The following CMTR1 variants were observed in gnomAD, a reference collection of about 807,000 sequenced individuals.
CMTR1 encodes the protein cap-specific mRNA (nucleoside-2'-O-)-methyltransferase 1.
CMTR1 carries 39 observed loss-of-function variants against 107.0 expected under a neutral mutation model. The ratio of observed to expected loss-of-function variants is 0.36; its 90% confidence interval spans 0.28 to 0.48. The LOEUF (loss-of-function observed/expected upper bound fraction) is 0.48. CMTR1 is among the 20% of genes least tolerant of loss of function. CMTR1 has a pLI of 0.99. For synonymous variants in CMTR1, 366 were observed against 379.5 expected (o/e 0.96, Z 0.41); for missense variants, 672 against 1,064.9 (o/e 0.63, Z 5.14).
chr6:37,466,342 G>C (rs1761511979), intron 13 of CMTR1, among the ~76,000 whole-genome samples: 1 of 151,756 alleles, frequency 6.6e-6, no homozygotes, highest in Non-Finnish European at 1.5e-5. Flanking sequence ...CGATCTCTTG[G>C]CCAGGATGGT....
chr6:37,459,179 A>G (rs1413606727), intron 9 of CMTR1, among the ~76,000 whole-genome samples: 2 of 152,280 alleles, frequency 1.3e-5, no homozygotes, highest in African/African-American at 4.8e-5. Context: ...CAGGTGCAGA[A>G]TGCACTGGGT....
At chr6:37,475,440 GGT>G in intron 19 of CMTR1, 28 bp downstream of exon 19, 1 of 1,535,520 alleles carries the variant, frequency 6.5e-7, no homozygotes, top group Non-Finnish European at 9.0e-7. Flanking sequence ...GGGTAGGGAG[GGT>G]GGGGGTAGGC....
intron 13 of CMTR1, among the ~76,000 whole-genome samples, chr6:37,467,835 A>G (rs1183115338): frequency 4.6e-5 from 7 of 151,954 alleles, no homozygotes; most frequent in African/African-American, 1.7e-4. Flanking sequence ...CTTTGTCTTT[A>G]TGATTAAATA....
intron 20 of CMTR1, among the ~76,000 whole-genome samples, chr6:37,477,024 G>T (rs1011443204): frequency 6.6e-6 from 1 of 152,170 alleles, no homozygotes; most frequent in African/African-American, 2.4e-5. Context: ...TTGGTTGCTC[G>T]ATTTCTGGGA....
rs1469561792 is a variant in CMTR1, at chr6:37,444,012, C to A, written c.147C>A (p.Ser49Arg). 1 of 1,613,902 alleles carries A rather than the reference C, an allele frequency of 6.2e-7. No homozygotes were observed. The highest frequency in any genetic ancestry group is 8.5e-7 in the Non-Finnish European group (1 of 1,179,998). ...TTTCTTTTTCAGCATCTACTACAAG[C>A]CTTAGTGGGTCTGATAGTGAGACCG... The part of the protein sequence containing the change: ...VSHGAKASTT[S>R]LSGSDSETEG... Residue 49 changes from serine to arginine, a missense_variant, in exon 3 of 24, where the codon AGC (serine) becomes AGA (arginine). By Grantham distance (110) the Ser-to-Arg change is moderately radical. Coordinates refer to ENST00000373451, the MANE Select transcript of CMTR1 (RefSeq NM_015050.3).
chr6:37,459,272 C>T (rs1761355908), intron 9 of CMTR1, among the ~76,000 whole-genome samples: 3 of 152,360 alleles, frequency 2.0e-5, no homozygotes, highest in African/African-American at 7.2e-5. Context: ...CCTTTCTGAA[C>T]AGTCCTTATT....
At chr6:37,447,180 T>G (rs974998668) in intron 4 of CMTR1, among the ~76,000 whole-genome samples, 1 of 152,376 alleles carries the variant, frequency 6.6e-6, no homozygotes, top group African/African-American at 2.4e-5. Flanking sequence ...TCTAGCTTTC[T>G]GCATAGTTGC....
In CMTR1 at chr6:37,481,248, T is replaced by G. The variant is rs544528372; in HGVS notation, c.*1103T>G. On this transcript the variant is annotated 3_prime_UTR_variant, in exon 24 of 24. Coordinates refer to ENST00000373451, the MANE Select transcript of CMTR1 (RefSeq NM_015050.3). Reference sequence around the variant, plus strand: ...GGGGGTGGGCACCTGTGGTTGTTTTTAATGGGAAATACCTCTCAGAGATGT... The same window carrying G: ...GGGGGTGGGCACCTGTGGTTGTTTTGAATGGGAAATACCTCTCAGAGATGT... 7.8e-6 allele frequency: 10 copies of G among 1,289,666 alleles called. No individual in the cohort carries two copies. In the African/African-American group the frequency reaches 1.2e-4, roughly 16 times the overall value. The allele number at this position is 1,289,666 out of a possible 1,614,324, so 79.9% of individuals were successfully genotyped here.
rs530175567 is a variant in CMTR1 at position 37,470,446 on chromosome 6, G to A, written c.1506-575G>A. ...CAGGTGTGAGCCACCGCGCCTGGCC[G>A]TCATTCACCCTTTCCAGTAGATCTT... On this transcript the variant is annotated intron_variant, in intron 13 of 23. Coordinates refer to ENST00000373451, the MANE Select transcript of CMTR1 (RefSeq NM_015050.3). 2.0e-5 allele frequency among the ~76,000 whole-genome samples: 3 copies of A among 152,170 alleles called. No homozygotes were observed. In the South Asian group the frequency reaches 6.2e-4, roughly 32 times the overall value.
chr6:37,479,053 G>T, intron 22 of CMTR1, 94 bp from the exon 23 acceptor site: 1 of 833,482 alleles, frequency 1.2e-6, no homozygotes, highest in East Asian at 2.5e-5. Flanking sequence ...TGGGAGGCAG[G>T]AATAGGACCA....
At position 37,458,006 on chromosome 6, in the gene CMTR1, G is replaced by A. The variant is rs1761331636; in HGVS notation, c.778-606G>A. Among the ~76,000 whole-genome samples the A allele has an allele frequency of 6.6e-6, 1 of 152,112 alleles. No individual in the cohort carries two copies. The highest frequency in any genetic ancestry group is 2.1e-4 in the South Asian group (1 of 4,822). ...GGACTCTTGAAAGGCAGGATATGGT[G>A]AGGAAAACACTCTGAGAGATAAAAA... On this transcript the variant is annotated intron_variant, in intron 8 of 23. Transcript: ENST00000373451. The surrounding 1 kb of genome is among the most constrained non-coding windows in gnomAD (Gnocchi z 4.7).
intron 2 of CMTR1, among the ~76,000 whole-genome samples, chr6:37,438,337 G>A (rs1771586747): frequency 6.6e-6 from 1 of 151,968 alleles, no homozygotes; most frequent in Non-Finnish European, 1.5e-5. Flanking sequence ...CCAAGATTAT[G>A]CCACTGCACT....
intron 12 of CMTR1, 124 bp from the exon 13 acceptor site, chr6:37,462,705 G>A: frequency 1.2e-6 from 1 of 825,448 alleles, no homozygotes; most frequent in East Asian, 2.5e-5. Flanking sequence ...GTTGTTCTTT[G>A]TGCGTAGGCC....
At chr6:37,460,776 C>T (rs1278120296) in intron 10 of CMTR1, among the ~76,000 whole-genome samples, 1 of 152,122 alleles carries the variant, frequency 6.6e-6, no homozygotes, top group East Asian at 1.9e-4. Context: ...TAAGTCTATT[C>T]ACACTGTTGT....
chr6:37,479,475 G>A (rs1581757866), intron 23 of CMTR1, among the ~76,000 whole-genome samples: 2 of 152,352 alleles, frequency 1.3e-5, no homozygotes, highest in African/African-American at 4.8e-5. Flanking sequence ...GCCTGGACCT[G>A]CTAATGGTTA....
chr6:37,424,023 C>A, the CMTR1 span, among the ~76,000 whole-genome samples: 1 of 152,116 alleles, frequency 6.6e-6, no homozygotes, highest in South Asian at 2.1e-4. Context: ...GAAGACGACC[C>A]ACCATTTTGA....
rs547912294 is a variant in CMTR1, at chr6:37,458,257, C to T, written c.778-355C>T. On this transcript the variant is annotated intron_variant, in intron 8 of 23. Transcript: ENST00000373451. The surrounding 1 kb of genome is among the most constrained non-coding windows in gnomAD (Gnocchi z 4.7). ...TTTTAGTAGAGACAGGGTTTTACCA[C>T]GTTGGCCAGGCTGGTCTCAAACCCC... Among the ~76,000 whole-genome samples, 22 of 152,030 alleles carry T rather than the reference C, an allele frequency of 1.4e-4. No homozygotes were observed. The highest frequency in any genetic ancestry group is 4.8e-4 in the African/African-American group (20 of 41,490).
Position 37,480,639 on chromosome 6 carries a change from C to T in CMTR1, c.*494C>T. The T allele has an allele frequency of 9.8e-7, 1 of 1,021,372 alleles. No individual in the cohort carries two copies. Among genetic ancestry groups the T allele is most frequent in the South Asian group, 3.9e-5 (1 of 25,682 alleles). 63.3% of individuals were successfully genotyped at this position (1,021,372 alleles called of 1,614,324 possible). The stretch of plus-strand genomic sequence containing the variant: ...CCAGGAGAACCTGCTATAAAAAAAT[C>T]AAGGTTTTGTTTCTTTGAACTTACT... On this transcript the variant is annotated 3_prime_UTR_variant, in exon 24 of 24. Transcript: ENST00000373451.
chr6:37,447,471 C>T (rs1475677233), intron 4 of CMTR1, among the ~76,000 whole-genome samples: 1 of 152,210 alleles, frequency 6.6e-6, no homozygotes, highest in Non-Finnish European at 1.5e-5. Flanking sequence ...TCAGAAGTAC[C>T]TGATGGTTTC....
Sources: allele counts gnomAD v4.1 joint callset (sites outside exome capture counted in the v4.1 genomes callset), GRCh38; gene constraint gnomAD v4.1.1; non-coding constraint Gnocchi (gnomAD v3.1); transcripts MANE v1.5; gene names NCBI Gene and HGNC (gene_info 2026-07-23, HGNC 2026-07-21).